Variants in NUP214 observed in about 807,000 individuals in gnomAD.
NUP214 encodes the protein nucleoporin 214, also known as nuclear pore complex protein Nup214.
Under a neutral mutation model 196.2 loss-of-function variants are expected in NUP214, and 79 were observed. That is an observed-to-expected ratio of 0.40 (90% CI 0.34 to 0.49). The LOEUF (loss-of-function observed/expected upper bound fraction) is 0.49. NUP214 is among the 20% of genes least tolerant of loss of function. NUP214 has a pLI of 0.58. For synonymous variants in NUP214, 1,020 were observed against 990.5 expected (o/e 1.03, Z -0.56); for missense variants, 2,468 against 2,539.0 (o/e 0.97, Z 0.60).
At chr9:131,169,034 G>GTTTTTTTTTTTTTTTTT in intron 21 of NUP214, among the ~76,000 whole-genome samples, 1 of 124,132 alleles carries the variant, frequency 8.1e-6, no homozygotes, top group Non-Finnish European at 1.6e-5. Flanking sequence ...GTTTTTTTTT[G>GTTTTTTTTTTTTTTTTT]TTTTTTTTTT....
chr9:131,159,898 G>T (rs1000764208), intron 18 of NUP214, among the ~76,000 whole-genome samples: 1 of 150,370 alleles, frequency 6.7e-6, no homozygotes, highest in African/African-American at 2.4e-5. Flanking sequence ...TCTACAAAAC[G>T]TTCATTCTTT....
chr9:131,187,250 C>T lies in NUP214; in HGVS notation c.3420-39C>T, dbSNP rs775051414. On this transcript the variant is annotated intron_variant, in intron 24 of 35. Coordinates refer to ENST00000359428, the MANE Select transcript of NUP214 (RefSeq NM_005085.4). ...AGAATGAATGTGATTTTTACCTAGT[C>T]ATGCCTTTCTCTGAGTGTATGCTTT... 5.8e-6 allele frequency: 9 copies of T among 1,560,620 alleles called. No homozygotes were observed. The South Asian group carries it at 6.7e-5, about 12-fold the overall frequency.
At chr9:131,201,577 A>C in intron 29 of NUP214, 70 bp from the exon 30 acceptor site, 1 of 1,282,960 alleles carries the variant, frequency 7.8e-7, no homozygotes, top group Non-Finnish European at 1.1e-6. Context: ...AAAAAAAAAC[A>C]ACAAAACTTT....
intron 32 of NUP214, among the ~76,000 whole-genome samples, chr9:131,227,335 A>G (rs1019904623): frequency 6.6e-6 from 1 of 152,234 alleles, no homozygotes; most frequent in African/African-American, 2.4e-5. Flanking sequence ...AGTGTTGGCA[A>G]CGTTGCAGAA....
chr9:131,134,085 C>T (rs1202739341), intron 7 of NUP214, among the ~76,000 whole-genome samples: 1 of 152,086 alleles, frequency 6.6e-6, no homozygotes, highest in Non-Finnish European at 1.5e-5. Context: ...TAGTTGGGAC[C>T]ACAGGCATGC....
In NUP214 at chr9:131,130,769, G is replaced by C. The variant is rs1419274700; in HGVS notation, c.596G>C (p.Cys199Ser). The change falls in exon 5 of 36, where the codon TGC (cysteine) becomes TCC (serine). Residue 199 changes from cysteine to serine, a missense_variant. By Grantham distance (112) the Cys-to-Ser change is moderately radical. Coordinates refer to ENST00000359428, the MANE Select transcript of NUP214 (RefSeq NM_005085.4). ...TGGTAATACTGTCTTTGCTCAGTGT[G>C]CTGGAGCCCCAAAGGAAAGCAGCTG... ...LPSTVAVTSV[C>S]WSPKGKQLAV... The C allele has an allele frequency of 3.7e-6, 6 of 1,613,938 alleles. No homozygotes were observed. Among genetic ancestry groups the C allele is most frequent in the African/African-American group, 2.7e-5 (2 of 74,924 alleles).
intron 12 of NUP214, among the ~76,000 whole-genome samples, chr9:131,145,229 T>C (rs1276022190): frequency 1.3e-5 from 2 of 152,168 alleles, no homozygotes; most frequent in Non-Finnish European, 2.9e-5. Flanking sequence ...GCCCCGTGGC[T>C]GCTCACTGCT....
In NUP214 at chr9:131,144,587, T is replaced by G; in HGVS notation, c.1602T>G (p.Pro534=). ...CTAAAGCCTCCCTAGCCCCCACCCC[T>G]GCAGCGTCTCCTGTGGCTCCATCAG... ...PPSKASLAPT[P]AASPVAPSAA... Residue 534 remains proline, a synonymous_variant, in exon 12 of 36, where the codon CCT becomes CCG. Coordinates refer to ENST00000359428, the MANE Select transcript of NUP214 (RefSeq NM_005085.4). 6.2e-7 allele frequency: 1 copy of G among 1,614,044 alleles called. No homozygotes were observed. Among genetic ancestry groups the G allele is most frequent in the Non-Finnish European group, 8.5e-7 (1 of 1,179,996 alleles).
At chr9:131,177,914 A>C (rs556514777) in intron 23 of NUP214, among the ~76,000 whole-genome samples, 1 of 152,182 alleles carries the variant, frequency 6.6e-6, no homozygotes. Context: ...CTGGCACATA[A>C]TAAGCCCATG....
intron 32 of NUP214, among the ~76,000 whole-genome samples, chr9:131,227,886 T>G (rs945246167): frequency 6.7e-6 from 1 of 149,612 alleles, no homozygotes; most frequent in African/African-American, 2.5e-5. Flanking sequence ...GGAGCTCTCC[T>G]GAGTGGACCC....
Position 131,232,653 on chromosome 9 carries a change from G to GCCATC in NUP214, c.6239+346_6239+350dup. On this transcript the variant is annotated intron_variant, in intron 35 of 35. Transcript: ENST00000359428. The surrounding 1 kb of genome is among the most constrained non-coding windows in gnomAD (Gnocchi z 5.1). ...CTGCATGCTAACCCCTGGGCTCTGG[G>GCCATC]CCATCACCAGGTCTCATGTGTTGAT... 1 of 408,750 alleles carries GCCATC rather than the reference G, an allele frequency of 2.4e-6. No individual in the cohort carries two copies. The highest frequency in any genetic ancestry group is 2.4e-5 in the South Asian group (1 of 42,012). The allele number at this position is 408,750 out of a possible 1,614,324, so 25.3% of individuals were successfully genotyped here.
At position 131,215,235 on chromosome 9, in the gene NUP214, C is replaced by T. The variant is rs775517800; in HGVS notation, c.5616C>T (p.Ser1872=). 10 of 1,566,178 alleles carry T rather than the reference C, an allele frequency of 6.4e-6. No homozygotes were observed. The highest frequency in any genetic ancestry group is 1.9e-5 in the Admixed American group (1 of 51,874). The change falls in exon 31 of 36, where the codon AGC becomes AGT. Residue 1872 remains serine, a synonymous_variant. Coordinates refer to ENST00000359428, the MANE Select transcript of NUP214 (RefSeq NM_005085.4). ...AGCAATCATCCTCTTCCAGTGGTAGCGTGTTTGGGTCTGGAAACACTGGAA... is the reference window on the plus strand; with the variant it reads ...AGCAATCATCCTCTTCCAGTGGTAGTGTGTTTGGGTCTGGAAACACTGGAA... ...FGQQSSSSSG[S]VFGSGNTGRG...
At chr9:131,218,061 A>G (rs996992320) in intron 31 of NUP214, among the ~76,000 whole-genome samples, 2 of 152,354 alleles carry the variant, frequency 1.3e-5, no homozygotes, top group Admixed American at 6.5e-5. Flanking sequence ...AAGTAAACAC[A>G]TAACTATTCT....
intron 9 of NUP214, among the ~76,000 whole-genome samples, chr9:131,139,003 TG>T (rs1389861566): frequency 6.6e-6 from 1 of 152,162 alleles, no homozygotes; most frequent in Non-Finnish European, 1.5e-5. Context: ...TTCATGATAG[TG>T]GTTATTTATT....
chr9:131,139,255 CTTTTTTTTTTTT>C lies in NUP214; in HGVS notation c.1006-14_1006-3del, dbSNP rs200377608. 24 of 1,093,088 alleles carry C rather than the reference CTTTTTTTTTTTT, an allele frequency of 2.2e-5. No individual in the cohort carries two copies. The highest frequency in any genetic ancestry group is 1.9e-4 in the African/African-American group (9 of 47,068). 67.7% of individuals were successfully genotyped at this position (1,093,088 alleles called of 1,614,324 possible). ...CTTTTTCTTTTTTCTTCTTCTTCTT[CTTTTTTTTTTTT>C]TTTTTTTTTTTAGATTAATTGGGAA... On this transcript the variant is annotated splice_polypyrimidine_tract_variant and intron_variant, in intron 9 of 35. Coordinates refer to ENST00000359428, the MANE Select transcript of NUP214 (RefSeq NM_005085.4).
chr9:131,135,111 G>T, intron 8 of NUP214, 107 bp downstream of exon 8: 1 of 812,450 alleles, frequency 1.2e-6, no homozygotes, highest in Non-Finnish European at 2.0e-6. Flanking sequence ...TGATGGATTG[G>T]CAGGGTCTCA....
intron 30 of NUP214, among the ~76,000 whole-genome samples, chr9:131,207,716 A>ATGGGACC (rs1206420238): frequency 5.9e-5 from 9 of 152,344 alleles, no homozygotes; most frequent in African/African-American, 2.2e-4. Context: ...ATCTTTGGAA[A>ATGGGACC]ATATCTGTCA....
intron 30 of NUP214, among the ~76,000 whole-genome samples, chr9:131,208,231 C>T (rs1342788749): frequency 7.9e-5 from 12 of 152,080 alleles, no homozygotes; most frequent in Admixed American, 5.2e-4. Flanking sequence ...GGGTAGAATA[C>T]CCAAAGGAAT....
At chr9:131,133,855 C>T (rs1272068094) in intron 7 of NUP214, 1 of 152,206 alleles carries the variant, frequency 6.6e-6, no homozygotes, top group African/African-American at 2.4e-5. Flanking sequence ...TTAATGCCAA[C>T]AGTGTGCTAG....
Sources: allele counts gnomAD v4.1 joint callset (sites outside exome capture counted in the v4.1 genomes callset), GRCh38; gene constraint gnomAD v4.1.1; non-coding constraint Gnocchi (gnomAD v3.1); transcripts MANE v1.5; gene names NCBI Gene and HGNC (gene_info 2026-07-23, HGNC 2026-07-21).